SYNPR: variants seen among roughly 807,000 people sequenced by gnomAD.
SYNPR encodes synaptoporin.
Under a neutral mutation model 32.9 loss-of-function variants are expected in SYNPR, and 23 were observed. The observed-to-expected ratio is 0.70, with a 90% CI of 0.50 to 0.99. SYNPR has a LOEUF of 0.99. Ranked by LOEUF, SYNPR falls within the 50% of genes least tolerant of loss-of-function variation. The pLI is 0.00. For missense variants in SYNPR, 318 were observed against 349.3 expected, an observed-to-expected ratio of 0.91 and a Z score of 0.71; for synonymous variants, 146 against 135.9, an observed-to-expected ratio of 1.07 and a Z score of -0.52.
At position 63,495,584 on chromosome 3, in the gene SYNPR, T is replaced by C. The variant is rs202235266; in HGVS notation, c.209+14628T>C. ...TGTACACGTGTTTTATTTTAGTACA[T>C]GCACCAGGGGGTTCACTTTCCACTA... On this transcript the variant is annotated intron_variant, in intron 3 of 5. Transcript: ENST00000478300. Among the ~76,000 whole-genome samples, 6 of 152,226 alleles carry C rather than the reference T, an allele frequency of 3.9e-5. No individual in the cohort carries two copies. In the East Asian group the frequency reaches 1.2e-3, roughly 29 times the overall value.
intron 3 of SYNPR, among the ~76,000 whole-genome samples, chr3:63,537,430 T>C (rs1316163689): frequency 1.3e-5 from 2 of 152,288 alleles, no homozygotes; most frequent in South Asian, 4.1e-4. Context: ...AAGGTCCAGC[T>C]GAACCATACA....
chr3:63,349,832 G>A (rs1433506147), intron 2 of SYNPR, among the ~76,000 whole-genome samples: 4 of 152,180 alleles, frequency 2.6e-5, no homozygotes, highest in South Asian at 2.1e-4. Flanking sequence ...GTACCAGACT[G>A]CCGTTTTGAA....
rs909353268 is a variant in SYNPR at position 63,237,549 on chromosome 3, A to G, written n.66+9169A>G. Among the ~76,000 whole-genome samples the G allele has an allele frequency of 4.3e-4, 65 of 151,888 alleles. 1 individual carries two copies. Among genetic ancestry groups the G allele is most frequent in the African/African-American group, 1.5e-3 (63 of 41,418 alleles). ...CTGATTTATCGCGGTGGGCGTTGGC[A>G]TCGGCTGGTTGTCTTCTCTCCTTCA... On this transcript the variant is annotated intron_variant and non_coding_transcript_variant, in intron 1 of 4. Coordinates refer to the SYNPR transcript ENST00000478456.
intron 2 of SYNPR, among the ~76,000 whole-genome samples, chr3:63,435,135 G>GC (rs752471994): frequency 1.3e-5 from 2 of 152,150 alleles, no homozygotes; most frequent in Non-Finnish European, 2.9e-5. Context: ...GCGCACATTC[G>GC]CAAGACTGGG....
At chr3:63,398,551 T>C (rs975888536) in intron 2 of SYNPR, among the ~76,000 whole-genome samples, 16 of 147,574 alleles carry the variant, frequency 1.1e-4, no homozygotes, top group African/African-American at 4.0e-4. Context: ...TACTAAAAAA[T>C]ATTAAAAAAA....
At chr3:63,391,255 C>G (rs6790565) in intron 2 of SYNPR, among the ~76,000 whole-genome samples, 66,471 of 151,920 alleles carry the variant, frequency 0.44, 14,694 homozygotes, top group Middle Eastern at 0.56. Flanking sequence ...ATCTGCCTCA[C>G]TGTGACATAG....
At chr3:63,202,746 C>T in the SYNPR span, among the ~76,000 whole-genome samples, 2 of 152,124 alleles carry the variant, frequency 1.3e-5, no homozygotes, top group East Asian at 1.9e-4. Flanking sequence ...CTTTCTTTAT[C>T]GCAGGACTTC....
chr3:63,370,932 A>G (rs1372351899), intron 2 of SYNPR, among the ~76,000 whole-genome samples: 3 of 152,122 alleles, frequency 2.0e-5, no homozygotes, highest in African/African-American at 7.2e-5. Flanking sequence ...AATATGGGGG[A>G]GAGCCAAGAT....
At chr3:63,394,893 T>G (rs2088191147) in intron 2 of SYNPR, among the ~76,000 whole-genome samples, 2 of 152,208 alleles carry the variant, frequency 1.3e-5, no homozygotes, top group Non-Finnish European at 2.9e-5. Flanking sequence ...AGATAAGGTT[T>G]GCAATTATCT....
intron 4 of SYNPR, among the ~76,000 whole-genome samples, chr3:63,595,604 T>C (rs756179237): frequency 2.7e-5 from 4 of 149,224 alleles, no homozygotes; most frequent in African/African-American, 4.9e-5. Context: ...ACAGTAGTAA[T>C]ATCTGCTTCA....
intron 2 of SYNPR, among the ~76,000 whole-genome samples, chr3:63,449,494 T>C (rs922987184): frequency 1.3e-5 from 2 of 152,170 alleles, no homozygotes; most frequent in African/African-American, 4.8e-5. Flanking sequence ...CTACCCACTA[T>C]GTGTCAGTAG....
At chr3:63,413,463 G>A (rs1254695831) in intron 2 of SYNPR, among the ~76,000 whole-genome samples, 1 of 152,192 alleles carries the variant, frequency 6.6e-6, no homozygotes, top group East Asian at 1.9e-4. Context: ...GAAGGCTTAT[G>A]TAATAGCTTA....
chr3:63,614,567 C>G (rs191699226), intron 5 of SYNPR, among the ~76,000 whole-genome samples: 1 of 152,208 alleles, frequency 6.6e-6, no homozygotes, highest in Non-Finnish European at 1.5e-5. Context: ...GTGAGAGGCA[C>G]AGAAAGTGCA....
chr3:63,218,506 G>C, the SYNPR span, among the ~76,000 whole-genome samples: 1 of 152,218 alleles, frequency 6.6e-6, no homozygotes, highest in African/African-American at 2.4e-5. Flanking sequence ...GAGAGAGTTA[G>C]AATTGAAATC....
chr3:63,609,979 G>A (rs6768430), intron 5 of SYNPR, among the ~76,000 whole-genome samples: 67,444 of 151,700 alleles, frequency 0.44, 15,129 homozygotes, highest in Middle Eastern at 0.54. Context: ...ATATTTGAGG[G>A]CATACAAGTT....
chr3:63,490,576 G>A (rs1701240978), intron 3 of SYNPR, among the ~76,000 whole-genome samples: 3 of 152,026 alleles, frequency 2.0e-5, no homozygotes, highest in South Asian at 4.2e-4. Context: ...GCCATGCGTG[G>A]TCTTCCATGC....
intron 2 of SYNPR, among the ~76,000 whole-genome samples, chr3:63,308,230 C>G (rs2106949586): frequency 6.6e-6 from 1 of 152,022 alleles, no homozygotes; most frequent in African/African-American, 2.4e-5. Flanking sequence ...ATAAGATATT[C>G]TAGGACAAGA....
Position 63,606,417 on chromosome 3 carries a change from C to CTTTTTTTTTTTTTTTTTTTTTTTTTTT in SYNPR, c.409-2686_409-2685insTTTTTTTTTTTTTTTTTTTTTTTTTTT, listed in dbSNP as rs61299069. Among the ~76,000 whole-genome samples, 46 of 68,288 alleles carry CTTTTTTTTTTTTTTTTTTTTTTTTTTT rather than the reference C, an allele frequency of 6.7e-4. 10 individuals carry two copies. The highest frequency in any genetic ancestry group is 9.5e-4 in the Non-Finnish European group (33 of 34,854). The allele number at this position is 68,288 out of a possible 152,430, so 44.8% of individuals were successfully genotyped here. A position where few individuals can be genotyped will look rare whatever the true frequency, so the allele number is the denominator to read the frequency against. ...AATTAAGCAGGACCTCAAATCCTTTCTTTTTTTTTTTTTTTTTTTTTTAGC... is the reference window on the plus strand; with the variant it reads ...AATTAAGCAGGACCTCAAATCCTTTCTTTTTTTTTTTTTTTTTTTTTTTTTTTTTTTTTTTTTTTTTTTTTTTTTAGC... On this transcript the variant is annotated intron_variant, in intron 4 of 5. Coordinates refer to ENST00000478300, the MANE Select transcript of SYNPR (RefSeq NM_001130003.2).
intron 2 of SYNPR, among the ~76,000 whole-genome samples, chr3:63,337,776 G>T (rs1181555299): frequency 1.3e-5 from 2 of 152,154 alleles, no homozygotes; most frequent in East Asian, 3.8e-4. Context: ...CCTGCATTCT[G>T]TATGATTCCA....
Sources: gnomAD v4.1 joint callset for allele counts (sites outside exome capture counted in the v4.1 genomes callset) on GRCh38, gnomAD v4.1.1 for gene constraint, MANE v1.5 for transcripts, NCBI Gene and HGNC (gene_info 2026-07-23, HGNC 2026-07-21) for gene names.